The following TYW1B variants were observed in gnomAD, a reference collection of about 807,000 sequenced individuals.
TYW1B encodes tRNA-yW synthesizing protein 1 homolog B, also known as S-adenosyl-L-methionine-dependent tRNA 4-demethylwyosine synthase TYW1B.
A neutral mutation model predicts 86.9 loss-of-function variants in TYW1B; 73 were observed. The observed-to-expected ratio is 0.84, with a 90% CI of 0.70 to 1.02. The LOEUF is 1.02. Ranked by LOEUF, TYW1B falls within the 50% of genes least tolerant of loss-of-function variation. TYW1B has a pLI of 0.00. For missense variants in TYW1B, 637 were observed against 827.4 expected, an observed-to-expected ratio of 0.77 and a Z score of 2.82; for synonymous variants, 248 against 292.8, an observed-to-expected ratio of 0.85 and a Z score of 1.56.
At chr7:72,656,076 G>C (rs1813195580) in intron 11 of TYW1B, among the ~76,000 whole-genome samples, 1 of 152,142 alleles carries the variant, frequency 6.6e-6, no homozygotes, top group Non-Finnish European at 1.5e-5. Flanking sequence ...GCCATCCAGG[G>C]CCATGCTGCC....
chr7:72,693,224 ATTACT>A (rs758353651), intron 11 of TYW1B, among the ~76,000 whole-genome samples: 2 of 152,012 alleles, frequency 1.3e-5, no homozygotes, highest in African/African-American at 2.4e-5. Context: ...GAACCAGATG[ATTACT>A]TTAGGTGAAA....
chr7:72,724,200 A>G (rs1231171060), intron 9 of TYW1B, among the ~76,000 whole-genome samples: 2 of 152,194 alleles, frequency 1.3e-5, no homozygotes, highest in Non-Finnish European at 2.9e-5. Flanking sequence ...AGCCAGGCAC[A>G]GTGGCTCATG....
chr7:72,730,922 T>A (rs1787093162), intron 8 of TYW1B, among the ~76,000 whole-genome samples: 1 of 106,976 alleles, frequency 9.3e-6, no homozygotes, highest in African/African-American at 3.3e-5. Flanking sequence ...CTAAAATGGA[T>A]TAAATGCCAA....
intron 8 of TYW1B, among the ~76,000 whole-genome samples, chr7:72,736,277 G>C (rs1323464338): frequency 6.6e-6 from 1 of 152,150 alleles, no homozygotes; most frequent in East Asian, 1.9e-4. Flanking sequence ...TGCTCAGAAA[G>C]GTAAAAACAC....
At chr7:72,663,625 G>A (rs1221423893) in intron 11 of TYW1B, among the ~76,000 whole-genome samples, 1 of 151,382 alleles carries the variant, frequency 6.6e-6, no homozygotes, top group East Asian at 1.9e-4. Context: ...TTAGCCGGGC[G>A]TGGTGGCAGG....
chr7:72,714,879 C>T (rs112931197), intron 9 of TYW1B, among the ~76,000 whole-genome samples: 9 of 151,878 alleles, frequency 5.9e-5, no homozygotes, highest in African/African-American at 1.5e-4. Flanking sequence ...ACGGTGTCAC[C>T]GCACTCCAGC....
chr7:72,670,653 G>A (rs567282948), intron 11 of TYW1B, among the ~76,000 whole-genome samples: 1 of 152,312 alleles, frequency 6.6e-6, no homozygotes, highest in Admixed American at 6.5e-5. Context: ...GCTTTCTGAG[G>A]AGTAGAAAGA....
At chr7:72,718,174 G>C (rs1254258037) in intron 9 of TYW1B, among the ~76,000 whole-genome samples, 1 of 151,892 alleles carries the variant, frequency 6.6e-6, no homozygotes, top group Non-Finnish European at 1.5e-5. Flanking sequence ...TCCTTTACAG[G>C]AACATGGATG....
intron 11 of TYW1B, among the ~76,000 whole-genome samples, chr7:72,671,228 G>T (rs1813593210): frequency 6.6e-6 from 1 of 152,064 alleles, no homozygotes; most frequent in Non-Finnish European, 1.5e-5. Context: ...TCTTCTTAGG[G>T]GTGGCTTCTG....
rs1286253423 is a variant in TYW1B, at chr7:72,811,141, G to A, written c.238-476C>T. ...AAAAAATTAGACAGGCGTGGTGGTG[G>A]GCGCCTGTAGTCCCAGCTACTCAGG... On this transcript the variant is annotated intron_variant, in intron 3 of 13. Coordinates refer to ENST00000620995, the MANE Select transcript of TYW1B (RefSeq NM_001145440.3). 3.3e-5 allele frequency among the ~76,000 whole-genome samples: 5 copies of A among 151,594 alleles called. No homozygotes were observed. The Admixed American group carries it at 3.3e-4, about 10-fold the overall frequency.
At chr7:72,791,803 A>C (rs1186872515) in intron 6 of TYW1B, among the ~76,000 whole-genome samples, 1 of 151,936 alleles carries the variant, frequency 6.6e-6, no homozygotes, top group African/African-American at 2.4e-5. Flanking sequence ...GAACAATGGA[A>C]CTTCCCAGGC....
At chr7:72,593,610 CAGG>C (rs1554431978) in intron 13 of TYW1B, among the ~76,000 whole-genome samples, 1 of 151,932 alleles carries the variant, frequency 6.6e-6, no homozygotes, top group Non-Finnish European at 1.5e-5. Context: ...ATCACAAGGT[CAGG>C]AGATCGAGAC....
At chr7:72,618,364 G>A (rs1429492576) in intron 12 of TYW1B, among the ~76,000 whole-genome samples, 1 of 150,848 alleles carries the variant, frequency 6.6e-6, no homozygotes, top group African/African-American at 2.4e-5. Flanking sequence ...ATACAGGCAT[G>A]TGCCACCATG....
At chr7:72,693,239 A>C (rs1266934515) in intron 11 of TYW1B, among the ~76,000 whole-genome samples, 2 of 152,110 alleles carry the variant, frequency 1.3e-5, no homozygotes, top group Non-Finnish European at 2.9e-5. Context: ...TTTAGGTGAA[A>C]AAGAAAAGGA....
chr7:72,804,459 G>A (rs545420103), intron 5 of TYW1B, among the ~76,000 whole-genome samples: 27 of 152,124 alleles, frequency 1.8e-4, no homozygotes, highest in Admixed American at 9.8e-4. Flanking sequence ...CCTGTCCTGC[G>A]CCAGATGATA....
chr7:72,600,760 A>C (rs1354755067), intron 13 of TYW1B, among the ~76,000 whole-genome samples: 9 of 152,010 alleles, frequency 5.9e-5, no homozygotes, highest in Admixed American at 6.6e-5. Flanking sequence ...TACTTAGGAG[A>C]CTGAGGTGGG....
At chr7:72,746,503 C>T (rs4483038) in intron 7 of TYW1B, among the ~76,000 whole-genome samples, 104,987 of 152,056 alleles carry the variant, frequency 0.69, 37,218 homozygotes, top group Non-Finnish European at 0.77. Flanking sequence ...GAAGTTAATA[C>T]GCTTTGTTCT....
chr7:72,634,133 G>T (rs1371107859), intron 11 of TYW1B, among the ~76,000 whole-genome samples: 5 of 151,850 alleles, frequency 3.3e-5, no homozygotes, highest in African/African-American at 4.8e-5. Flanking sequence ...AAATGCTGCT[G>T]CCATGAGTGC....
At chr7:72,763,606 G>C (rs1262351672) in intron 7 of TYW1B, among the ~76,000 whole-genome samples, 1 of 152,098 alleles carries the variant, frequency 6.6e-6, no homozygotes, top group Non-Finnish European at 1.5e-5. Context: ...CTATCTATGT[G>C]AATTTCCATA....
Sources: allele counts gnomAD v4.1 joint callset (sites outside exome capture counted in the v4.1 genomes callset), GRCh38; gene constraint gnomAD v4.1.1; transcripts MANE v1.5; gene names NCBI Gene and HGNC (gene_info 2026-07-23, HGNC 2026-07-21).